Variants in GPR158 observed in about 807,000 individuals in gnomAD.
GPR158 encodes G protein-coupled receptor 158.
GPR158 carries 30 observed loss-of-function variants against 78.2 expected under a neutral mutation model. The ratio of observed to expected loss-of-function variants is 0.38; its 90% CI spans 0.29 to 0.52. The LOEUF is 0.52. Ranked by LOEUF, GPR158 falls within the 20% of genes least tolerant of loss-of-function variation. The pLI, the probability that GPR158 is intolerant of heterozygous loss-of-function variation, is 0.83. For synonymous variants in GPR158, 581 were observed against 591.1 expected, an observed-to-expected ratio of 0.98 and a Z score of 0.25; for missense variants, 1,463 against 1,523.5, an observed-to-expected ratio of 0.96 and a Z score of 0.66.
At chr10:25,365,239 G>C (rs1335070600) in intron 2 of GPR158, among the ~76,000 whole-genome samples, 2 of 139,120 alleles carry the variant, frequency 1.4e-5, no homozygotes, top group African/African-American at 5.3e-5. Context: ...TTCTTTGTGA[G>C]TGATAAACAA....
At chr10:25,582,441 C>T (rs1178996261) in intron 7 of GPR158, among the ~76,000 whole-genome samples, 4 of 152,112 alleles carry the variant, frequency 2.6e-5, no homozygotes, top group Non-Finnish European at 5.9e-5. Context: ...ACTTAAGATG[C>T]AATGGAAAAT....
intron 4 of GPR158, among the ~76,000 whole-genome samples, chr10:25,433,816 G>A (rs557608492): frequency 6.7e-6 from 1 of 149,026 alleles, no homozygotes; most frequent in Non-Finnish European, 1.5e-5. Context: ...TTACAGACCT[G>A]AGCCACTGAA....
chr10:25,510,003 C>T (rs1212341106), intron 5 of GPR158, among the ~76,000 whole-genome samples: 3 of 152,162 alleles, frequency 2.0e-5, no homozygotes, highest in African/African-American at 2.4e-5. Flanking sequence ...CATGAGCCAC[C>T]GTGCCCAGCC....
intron 2 of GPR158, among the ~76,000 whole-genome samples, chr10:25,377,003 T>C (rs1049892918): frequency 6.6e-5 from 10 of 151,724 alleles, no homozygotes; most frequent in African/African-American, 2.2e-4. Flanking sequence ...TATTATGATA[T>C]GTGTAGGTGT....
At chr10:25,248,649 G>T (rs2130717390) in intron 2 of GPR158, among the ~76,000 whole-genome samples, 1 of 150,998 alleles carries the variant, frequency 6.6e-6, no homozygotes, top group Non-Finnish European at 1.5e-5. Flanking sequence ...ATTTCTGAGG[G>T]CTCTGTTCTG....
At chr10:25,540,652 T>C (rs867765554) in intron 5 of GPR158, among the ~76,000 whole-genome samples, 2,480 of 151,940 alleles carry the variant, frequency 0.016, 52 homozygotes, top group African/African-American at 0.057. Flanking sequence ...GGGACATGGA[T>C]GAAGCTGGAA....
chr10:25,357,475 C>T (rs1281162828), intron 2 of GPR158, among the ~76,000 whole-genome samples: 3 of 152,112 alleles, frequency 2.0e-5, no homozygotes, highest in Non-Finnish European at 4.4e-5. Context: ...GGCCCAAGGT[C>T]CCCAATGCTT....
intron 2 of GPR158, among the ~76,000 whole-genome samples, chr10:25,291,671 AAT>A (rs1391296417): frequency 6.6e-6 from 1 of 152,096 alleles, no homozygotes; most frequent in Non-Finnish European, 1.5e-5. Context: ...ATCACAGTAA[AAT>A]GAATGAGAAA....
intron 2 of GPR158, among the ~76,000 whole-genome samples, chr10:25,227,711 A>AGGGG (rs1853393182): frequency 6.6e-6 from 1 of 152,204 alleles, no homozygotes; most frequent in Non-Finnish European, 1.5e-5. Context: ...ATAATTTAAA[A>AGGGG]GATATCATTG....
At chr10:25,236,381 G>T (rs2130700932) in intron 2 of GPR158, among the ~76,000 whole-genome samples, 1 of 152,168 alleles carries the variant, frequency 6.6e-6, no homozygotes, top group African/African-American at 2.4e-5. Context: ...GGTGGTGGGT[G>T]CCTGTAGTCC....
At chr10:25,482,552 A>G (rs765134276) in intron 5 of GPR158, among the ~76,000 whole-genome samples, 1 of 152,228 alleles carries the variant, frequency 6.6e-6, no homozygotes, top group South Asian at 2.1e-4. Context: ...TGAACTCTGA[A>G]GTAGGCATGT....
chr10:25,400,881 C>T (rs1834434536), intron 3 of GPR158, among the ~76,000 whole-genome samples: 1 of 152,104 alleles, frequency 6.6e-6, no homozygotes. Context: ...TTACCTAACT[C>T]TAGTGCTATT....
At chr10:25,390,987 A>G (rs964583029) in intron 2 of GPR158, among the ~76,000 whole-genome samples, 4 of 152,198 alleles carry the variant, frequency 2.6e-5, no homozygotes. Flanking sequence ...GCTGTGGCTA[A>G]AAGGGGCCAA....
At chr10:25,534,784 CAGAT>C (rs950121080) in intron 5 of GPR158, among the ~76,000 whole-genome samples, 43 of 151,870 alleles carry the variant, frequency 2.8e-4, no homozygotes, top group Admixed American at 2.4e-3. Context: ...GTTAGATAGA[CAGAT>C]AGACAGACAG....
intron 6 of GPR158, among the ~76,000 whole-genome samples, chr10:25,564,900 T>C (rs10828827): frequency 0.28 from 42,777 of 152,082 alleles, 10,767 homozygotes; most frequent in African/African-American, 0.65. Flanking sequence ...TGAAGTTCCC[T>C]ATTCCATCAT....
chr10:25,393,007 TA>T (rs1391916593), intron 2 of GPR158, among the ~76,000 whole-genome samples: 163 of 152,198 alleles, frequency 1.1e-3, no homozygotes, highest in Non-Finnish European at 1.8e-3. Context: ...AATTATTTAT[TA>T]ATAGAATAAC....
intron 5 of GPR158, among the ~76,000 whole-genome samples, chr10:25,543,548 T>C (rs911849114): frequency 6.6e-6 from 1 of 152,208 alleles, no homozygotes; most frequent in Non-Finnish European, 1.5e-5. Context: ...TAATGATGAC[T>C]GGGCTTTTAA....
At chr10:25,458,251 T>C (rs549880830) in intron 4 of GPR158, among the ~76,000 whole-genome samples, 12 of 152,332 alleles carry the variant, frequency 7.9e-5, no homozygotes, top group African/African-American at 2.9e-4. Flanking sequence ...ATGAAATTTC[T>C]TTTAGTGTTT....
chr10:25,504,347 T>C (rs1835982674), intron 5 of GPR158, among the ~76,000 whole-genome samples: 1 of 152,210 alleles, frequency 6.6e-6, no homozygotes, highest in Non-Finnish European at 1.5e-5. Flanking sequence ...TTTCTAAATA[T>C]ATTGAGCCCC....
Sources: allele counts gnomAD v4.1 joint callset (sites outside exome capture counted in the v4.1 genomes callset), GRCh38; gene constraint gnomAD v4.1.1; transcripts MANE v1.5; gene names NCBI Gene and HGNC (gene_info 2026-07-23, HGNC 2026-07-21).